The following CYP26B1 variants were observed in gnomAD, a reference collection of about 807,000 sequenced individuals.
The protein encoded by CYP26B1 is cytochrome P450 26B1.
In CYP26B1, 8 loss-of-function variants were observed where a neutral mutation model predicts 39.1. That is an observed-to-expected ratio of 0.20 (90% CI 0.12 to 0.37). The LOEUF (loss-of-function observed/expected upper bound fraction) is 0.37. Among genes scored for constraint, CYP26B1 ranks in the 10% least tolerant of loss-of-function variants. CYP26B1 has a pLI of 1.00. For synonymous variants in CYP26B1, 321 were observed against 314.3 expected, an observed-to-expected ratio of 1.02 and a Z score of -0.23; for missense variants, 615 against 707.0, an observed-to-expected ratio of 0.87 and a Z score of 1.48.
rs61138718 is a variant in CYP26B1, at chr2:72,130,207, C to T, written c.*2020G>A. Reference sequence around the variant, plus strand: ...GATCAGTTTAAAGGAAAATGAACCTCCCAGACACTGGTTTTGTGTTGGGGG... The same window carrying T: ...GATCAGTTTAAAGGAAAATGAACCTTCCAGACACTGGTTTTGTGTTGGGGG... On this transcript the variant is annotated 3_prime_UTR_variant, in exon 6 of 6. Coordinates refer to ENST00000001146, the MANE Select transcript of CYP26B1 (RefSeq NM_019885.4). 0.19 allele frequency: 29,399 copies of T among 152,154 alleles called. 3,329 individuals carry two copies. Among genetic ancestry groups the T allele is most frequent in the African/African-American group, 0.3 (12,444 of 41,456 alleles). 9.4% of individuals were successfully genotyped at this position (152,154 alleles called of 1,614,324 possible).
intron 2 of CYP26B1, among the ~76,000 whole-genome samples, chr2:72,141,301 G>A (rs1388632557): frequency 1.3e-5 from 2 of 152,186 alleles, no homozygotes; most frequent in Non-Finnish European, 2.9e-5. Context: ...AGATGATTCT[G>A]TTAGACTGGG....
chr2:72,139,320 T>G (rs1676871577), intron 2 of CYP26B1, among the ~76,000 whole-genome samples: 1 of 152,182 alleles, frequency 6.6e-6, no homozygotes, highest in Non-Finnish European at 1.5e-5. Context: ...GTGTGTACTT[T>G]ATATTCAAGC....
intron 1 of CYP26B1, among the ~76,000 whole-genome samples, chr2:72,144,856 C>CGCGGG (rs1017612791): frequency 2.0e-5 from 3 of 152,106 alleles, no homozygotes; most frequent in Non-Finnish European, 4.4e-5. Flanking sequence ...GGAACCCGAG[C>CGCGGG]GCGGGGCGGG....
intron 2 of CYP26B1, among the ~76,000 whole-genome samples, chr2:72,141,390 G>A (rs1284374345): frequency 1.3e-5 from 2 of 152,198 alleles, no homozygotes; most frequent in Non-Finnish European, 2.9e-5. Context: ...GCAAACACCT[G>A]GAGTGCAGTG....
At chr2:72,140,187 A>C (rs1676902652) in intron 2 of CYP26B1, among the ~76,000 whole-genome samples, 1 of 152,130 alleles carries the variant, frequency 6.6e-6, no homozygotes, top group African/African-American at 2.4e-5. Context: ...AGGACACAGA[A>C]AGGAGGGACA....
rs1677163644 is a variant in CYP26B1 at position 72,147,787 on chromosome 2, G to A, written c.48C>T (p.Ala16=). ...LDLVSALATL[A]ACLVSVTLLL... ...GCAGCGTCACGGACACCAGGCACGC[G>A]GCGAGGGTGGCCAGCGCCGACACCA... The change falls in exon 1 of 6, where the codon GCC becomes GCT. Residue 16 remains alanine (A), a synonymous_variant. Coordinates refer to ENST00000001146, the MANE Select transcript of CYP26B1 (RefSeq NM_019885.4). The surrounding 1 kb of genome is among the most constrained non-coding windows in gnomAD (Gnocchi z 6.1). 1 of 1,563,346 alleles carries A rather than the reference G, an allele frequency of 6.4e-7. No individual in the cohort carries two copies. Among genetic ancestry groups the A allele is most frequent in the South Asian group, 1.2e-5 (1 of 84,990 alleles).
intron 1 of CYP26B1, among the ~76,000 whole-genome samples, chr2:72,145,355 TGCGCCTCCGGCCCGGC>T (rs1331142119): frequency 1.3e-5 from 2 of 152,074 alleles, no homozygotes; most frequent in African/African-American, 4.8e-5. Flanking sequence ...CTTTTCCACA[TGCGCCTCCGGCCCGGC>T]GCGCGACGGG....
rs1044671141 is a variant in CYP26B1, at chr2:72,130,673, G to C, written c.*1554C>G. 3 of 152,078 alleles carry C rather than the reference G, an allele frequency of 2.0e-5. No homozygotes were observed. Among genetic ancestry groups the C allele is most frequent in the African/African-American group, 7.3e-5 (3 of 41,372 alleles). The allele number at this position is 152,078 out of a possible 1,614,324, so 9.4% of individuals were successfully genotyped here. A position where few individuals can be genotyped will look rare whatever the true frequency, so the allele number is the denominator to read the frequency against. On this transcript the variant is annotated 3_prime_UTR_variant, in exon 6 of 6. Coordinates refer to ENST00000001146, the MANE Select transcript of CYP26B1 (RefSeq NM_019885.4). ...GGAAAAATCTAGAGACTCACCAAACGCCCGGAAACCTTCCCCAGGAGGCAT... is the reference window on the plus strand; with the variant it reads ...GGAAAAATCTAGAGACTCACCAAACCCCCGGAAACCTTCCCCAGGAGGCAT...
intron 2 of CYP26B1, among the ~76,000 whole-genome samples, chr2:72,139,291 G>A (rs866686025): frequency 2.0e-5 from 3 of 152,202 alleles, no homozygotes; most frequent in African/African-American, 4.8e-5. Flanking sequence ...GCAGCCGTCC[G>A]CACAGGGGTG....
intron 2 of CYP26B1, among the ~76,000 whole-genome samples, chr2:72,139,785 G>A (rs116453643): frequency 0.02 from 3,030 of 152,308 alleles, 97 homozygotes; most frequent in African/African-American, 0.067. Flanking sequence ...AGTCCAGAGC[G>A]TGGCTGGCCA....
In CYP26B1 at chr2:72,130,001, C is replaced by A. The variant is rs2104020181; in HGVS notation, c.*2226G>T. On this transcript the variant is annotated 3_prime_UTR_variant, in exon 6 of 6. Transcript: ENST00000001146. Reference sequence around the variant, plus strand: ...TCCTTCTTTCCTCCCTCACAGGGACCCCCCTCAGCTTTTCCTTCTCTGCCC... The same window carrying A: ...TCCTTCTTTCCTCCCTCACAGGGACACCCCTCAGCTTTTCCTTCTCTGCCC... 6.6e-6 allele frequency: 1 copy of A among 152,250 alleles called. No individual in the cohort carries two copies. Among genetic ancestry groups the A allele is most frequent in the East Asian group, 1.9e-4 (1 of 5,182 alleles). The allele number at this position is 152,250 out of a possible 1,614,324, so 9.4% of individuals were successfully genotyped here.
At chr2:72,145,796 T>C (rs981345537) in intron 1 of CYP26B1, among the ~76,000 whole-genome samples, 4 of 152,154 alleles carry the variant, frequency 2.6e-5, no homozygotes, top group African/African-American at 9.7e-5. Context: ...TTCCACGGTC[T>C]TCACAAAGAG....
chr2:72,146,358 G>T (rs951447963), intron 1 of CYP26B1, among the ~76,000 whole-genome samples: 1 of 151,192 alleles, frequency 6.6e-6, no homozygotes, highest in Non-Finnish European at 1.5e-5. Flanking sequence ...ATTTCTTTGC[G>T]GGGGGTGGGG....
At chr2:72,143,298 G>GCGCGCCTCCTC (rs922259878) in intron 2 of CYP26B1, among the ~76,000 whole-genome samples, 1 of 151,956 alleles carries the variant, frequency 6.6e-6, no homozygotes, top group Admixed American at 6.5e-5. Context: ...CCTGTCCCGT[G>GCGCGCCTCCTC]CGCGCCTCCT....
intron 4 of CYP26B1, among the ~76,000 whole-genome samples, chr2:72,134,323 G>C (rs1371490027): frequency 6.7e-6 from 1 of 149,514 alleles, no homozygotes; most frequent in Non-Finnish European, 1.5e-5. Flanking sequence ...GGGCGGGGGG[G>C]AGGGTGGGAG....
At chr2:72,136,899 G>A (rs1252972850) in intron 2 of CYP26B1, among the ~76,000 whole-genome samples, 1 of 152,200 alleles carries the variant, frequency 6.6e-6, no homozygotes, top group African/African-American at 2.4e-5. Flanking sequence ...CCAATGAAGG[G>A]CCCCTTACAG....
At chr2:72,138,419 G>A (rs935460942) in intron 2 of CYP26B1, among the ~76,000 whole-genome samples, 1 of 152,196 alleles carries the variant, frequency 6.6e-6, no homozygotes, top group Non-Finnish European at 1.5e-5. Context: ...GTCAGGACTC[G>A]GGCACACTGG....
intron 1 of CYP26B1, among the ~76,000 whole-genome samples, chr2:72,145,641 GT>G (rs1677102938): frequency 6.6e-6 from 1 of 152,154 alleles, no homozygotes; most frequent in African/African-American, 2.4e-5. Context: ...CTTTTCCTCT[GT>G]TTTTCTTTTC....
At chr2:72,145,229 C>G (rs1677088413) in intron 1 of CYP26B1, among the ~76,000 whole-genome samples, 1 of 152,250 alleles carries the variant, frequency 6.6e-6, no homozygotes, top group African/African-American at 2.4e-5. Context: ...TCCCCCTAGC[C>G]CGGGTTGGTC....
Sources: gnomAD v4.1 joint callset for allele counts (sites outside exome capture counted in the v4.1 genomes callset) on GRCh38, gnomAD v4.1.1 for gene constraint, Gnocchi (gnomAD v3.1) non-coding constraint, MANE v1.5 for transcripts, NCBI Gene and HGNC (gene_info 2026-07-23, HGNC 2026-07-21) for gene names.